CDC42SE2: variants seen among roughly 807,000 people sequenced by gnomAD.
The protein encoded by CDC42SE2 is CDC42 small effector 2, also known as CDC42 small effector protein 2.
A neutral mutation model predicts 11.5 loss-of-function variants in CDC42SE2; 3 were observed. The observed-to-expected ratio is 0.26, with a 90% CI of 0.12 to 0.67. CDC42SE2 has a LOEUF of 0.67. CDC42SE2 is among the 30% of genes least tolerant of loss of function. CDC42SE2 has a pLI of 0.80. For missense variants in CDC42SE2, 82 were observed against 106.8 expected (o/e 0.77, Z 1.02); for synonymous variants, 33 against 34.8 (o/e 0.95, Z 0.18).
intron 3 of CDC42SE2, among the ~76,000 whole-genome samples, chr5:131,367,599 C>G (rs1749897106): frequency 6.6e-6 from 1 of 152,152 alleles, no homozygotes; most frequent in African/African-American, 2.4e-5. Flanking sequence ...AAGCGAAGCA[C>G]TTCTTCATGT....
At chr5:131,329,638 G>A (rs1758373598) in intron 2 of CDC42SE2, among the ~76,000 whole-genome samples, 1 of 151,842 alleles carries the variant, frequency 6.6e-6, no homozygotes, top group African/African-American at 2.4e-5. Flanking sequence ...TAGCACTGTG[G>A]GAGGCCTAGG....
At chr5:131,363,203 T>C (rs1405573894) in intron 3 of CDC42SE2, among the ~76,000 whole-genome samples, 3 of 151,806 alleles carry the variant, frequency 2.0e-5, no homozygotes, top group African/African-American at 7.3e-5. Context: ...ACCAACTTAT[T>C]GAGCATCAGA....
intron 1 of CDC42SE2, among the ~76,000 whole-genome samples, chr5:131,283,040 G>T (rs1389885742): frequency 1.3e-5 from 2 of 151,196 alleles, no homozygotes; most frequent in Non-Finnish European, 2.9e-5. Flanking sequence ...CGATTCTCCT[G>T]CCTCAGCCTC....
intron 1 of CDC42SE2, among the ~76,000 whole-genome samples, chr5:131,313,339 C>G (rs1280681096): frequency 2.6e-5 from 4 of 152,120 alleles, no homozygotes; most frequent in African/African-American, 9.7e-5. Flanking sequence ...ATCTTTCATT[C>G]TGTTAACAGT....
intron 4 of CDC42SE2, 126 bp from the exon 5 acceptor site, chr5:131,390,867 T>C (rs1410441787): frequency 6.4e-6 from 3 of 469,988 alleles, no homozygotes; most frequent in Middle Eastern, 5.4e-4. Flanking sequence ...AAAAAAATTT[T>C]TGTCTATAAA....
intron 2 of CDC42SE2, among the ~76,000 whole-genome samples, chr5:131,354,246 T>A (rs1006479055): frequency 9.2e-5 from 14 of 151,808 alleles, no homozygotes; most frequent in African/African-American, 2.7e-4. Flanking sequence ...TCAAAAAAAA[T>A]AAAATAAAAT....
At chr5:131,380,014 C>A (rs570805156) in intron 3 of CDC42SE2, among the ~76,000 whole-genome samples, 2 of 152,070 alleles carry the variant, frequency 1.3e-5, no homozygotes, top group East Asian at 3.9e-4. Context: ...GCCAACCCCC[C>A]ACCCCAGGTT....
At chr5:131,218,838 G>A in the CDC42SE2 span, among the ~76,000 whole-genome samples, 1 of 152,188 alleles carries the variant, frequency 6.6e-6, no homozygotes, top group Non-Finnish European at 1.5e-5. Flanking sequence ...GTGCTGGTTA[G>A]ATATAGATGT....
intron 2 of CDC42SE2, among the ~76,000 whole-genome samples, chr5:131,323,546 G>GTTTTTTTTTTTTTTTTTTTTTTTTTTT (rs1561584661): frequency 1.0e-5 from 1 of 96,630 alleles, no homozygotes; most frequent in African/African-American, 4.6e-5. Flanking sequence ...CTCTCTCTCT[G>GTTTTTTTTTTTTTTTTTTTTTTTTTTT]GTTTTTTTTT....
At chr5:131,287,065 G>T (rs1757356660) in intron 1 of CDC42SE2, among the ~76,000 whole-genome samples, 1 of 151,680 alleles carries the variant, frequency 6.6e-6, no homozygotes, top group Non-Finnish European at 1.5e-5. Flanking sequence ...CGCAATCTTG[G>T]CTGACTGCAA....
At chr5:131,311,561 C>A (rs1024883370) in intron 1 of CDC42SE2, among the ~76,000 whole-genome samples, 2 of 152,078 alleles carry the variant, frequency 1.3e-5, no homozygotes, top group Non-Finnish European at 2.9e-5. Context: ...TCCATTCTCC[C>A]CATCACTTTC....
intron 1 of CDC42SE2, among the ~76,000 whole-genome samples, chr5:131,249,815 C>T (rs530824763): frequency 1.2e-4 from 19 of 152,034 alleles, no homozygotes; most frequent in African/African-American, 3.6e-4. Flanking sequence ...TCCAGGAGTT[C>T]GAGGTTGCAG....
At chr5:131,374,070 C>A (rs1045024462) in intron 3 of CDC42SE2, among the ~76,000 whole-genome samples, 1 of 151,988 alleles carries the variant, frequency 6.6e-6, no homozygotes, top group Non-Finnish European at 1.5e-5. Context: ...AGGAAAATTT[C>A]CCTAGTAAAT....
the CDC42SE2 span, among the ~76,000 whole-genome samples, chr5:131,213,800 G>A: frequency 6.6e-6 from 1 of 152,178 alleles, no homozygotes; most frequent in Non-Finnish European, 1.5e-5. Context: ...TGTCTTTCTG[G>A]CAATTCATTG....
At position 131,269,386 on chromosome 5, in the gene CDC42SE2, T is replaced by C. The variant is rs1194106746; in HGVS notation, c.-455+5220T>C. ...AATAACTAAATTATGAGCCCTGATA[T>C]ATCTGTTTTCTTGCTTACCCACTTA... On this transcript the variant is annotated intron_variant, in intron 1 of 4. Coordinates refer to ENST00000505065, the MANE Select transcript of CDC42SE2 (RefSeq NM_001375635.1). 3.3e-5 allele frequency among the ~76,000 whole-genome samples: 5 copies of C among 152,324 alleles called. No individual in the cohort carries two copies. In the East Asian group the frequency reaches 9.6e-4, roughly 29 times the overall value.
intron 4 of CDC42SE2, 92 bp from the exon 5 acceptor site, chr5:131,390,901 C>G: frequency 1.3e-6 from 1 of 751,164 alleles, no homozygotes; most frequent in South Asian, 2.2e-5. Flanking sequence ...AAAAAGCAGC[C>G]CAAATAAAAT....
At chr5:131,278,299 G>A (rs1204753727) in intron 1 of CDC42SE2, among the ~76,000 whole-genome samples, 1 of 152,114 alleles carries the variant, frequency 6.6e-6, no homozygotes, top group Non-Finnish European at 1.5e-5. Context: ...TTCCTTGTGA[G>A]TGATTTTAGT....
chr5:131,275,656 TTTTTCTTTTCTTTTC>T (rs61129956), intron 1 of CDC42SE2, among the ~76,000 whole-genome samples: 26 of 150,512 alleles, frequency 1.7e-4, no homozygotes, highest in Non-Finnish European at 2.7e-4. Context: ...AACTTCATTA[TTTTTCTTTTCTTTTC>T]TTTTCTTTTC....
At chr5:131,232,973 G>A in the CDC42SE2 span, among the ~76,000 whole-genome samples, 2 of 151,150 alleles carry the variant, frequency 1.3e-5, no homozygotes, top group Non-Finnish European at 2.9e-5. Flanking sequence ...GCTACAAAAA[G>A]GTGTACAGTG....
Sources: gnomAD v4.1 joint callset for allele counts (sites outside exome capture counted in the v4.1 genomes callset) on GRCh38, gnomAD v4.1.1 for gene constraint, MANE v1.5 for transcripts, NCBI Gene and HGNC (gene_info 2026-07-23, HGNC 2026-07-21) for gene names.